Variants in RGL1 observed in about 807,000 individuals in gnomAD.
The protein encoded by RGL1 is ral guanine nucleotide dissociation stimulator like 1, also known as ral guanine nucleotide dissociation stimulator-like 1.
A neutral mutation model predicts 95.2 loss-of-function variants in RGL1; 24 were observed. The observed-to-expected ratio is 0.25, with a 90% CI of 0.18 to 0.35. RGL1 has a LOEUF of 0.35. Ranked by LOEUF, RGL1 falls within the 10% of genes least tolerant of loss-of-function variation. The pLI, the probability that RGL1 is intolerant of heterozygous loss-of-function variation, is 1.00. For missense variants in RGL1, 715 were observed against 936.3 expected, an observed-to-expected ratio of 0.76 and a Z score of 3.08; for synonymous variants, 329 against 344.9, an observed-to-expected ratio of 0.95 and a Z score of 0.51.
chr1:183,732,420 G>A (rs1187801214), intron 1 of RGL1, among the ~76,000 whole-genome samples: 1 of 152,156 alleles, frequency 6.6e-6, no homozygotes, highest in Non-Finnish European at 1.5e-5. Context: ...GATTTCATAT[G>A]GACTCTGAAA....
At chr1:183,651,544 A>G (rs772716125) in intron 1 of RGL1, among the ~76,000 whole-genome samples, 2 of 152,160 alleles carry the variant, frequency 1.3e-5, no homozygotes, top group Admixed American at 1.3e-4. Flanking sequence ...AAAAGCCTCA[A>G]TCCAGCTGTA....
At chr1:183,692,185 G>T (rs1008595385) in intron 1 of RGL1, among the ~76,000 whole-genome samples, 5 of 152,202 alleles carry the variant, frequency 3.3e-5, no homozygotes, top group Admixed American at 2.6e-4. Flanking sequence ...GCAAGCTGAG[G>T]AATGTAGTAT....
intron 1 of RGL1, among the ~76,000 whole-genome samples, chr1:183,697,282 G>T (rs187365461): frequency 6.6e-6 from 1 of 152,152 alleles, no homozygotes; most frequent in African/African-American, 2.4e-5. Context: ...TTTAAAAATT[G>T]TAACGGCCCT....
At position 183,927,333 on chromosome 1, in the gene RGL1, A is replaced by G. The variant is rs998773965; in HGVS notation, c.*1041A>G. The stretch of plus-strand genomic sequence containing the variant: ...CTCAGGTGTGGAAATTTCTACTGCA[A>G]TTGACTACGTTTGATTATTTTGAGC... On this transcript the variant is annotated 3_prime_UTR_variant, in exon 18 of 18. Coordinates refer to ENST00000360851, the MANE Select transcript of RGL1 (RefSeq NM_001297671.3). The G allele has an allele frequency of 6.6e-6, 1 of 152,562 alleles. No individual in the cohort carries two copies. The highest frequency in any genetic ancestry group is 1.5e-5 in the Non-Finnish European group (1 of 68,020). The allele number at this position is 152,562 out of a possible 1,614,324, so 9.5% of individuals were successfully genotyped here. A position where few individuals can be genotyped will look rare whatever the true frequency, so the allele number is the denominator to read the frequency against.
At chr1:183,886,777 A>G (rs2102654744) in intron 7 of RGL1, among the ~76,000 whole-genome samples, 1 of 152,222 alleles carries the variant, frequency 6.6e-6, no homozygotes, top group African/African-American at 2.4e-5. Context: ...CCTTTCCTGC[A>G]TTCATCGTAG....
chr1:183,732,668 A>T (rs568123347), intron 1 of RGL1, among the ~76,000 whole-genome samples: 1 of 152,322 alleles, frequency 6.6e-6, no homozygotes, highest in South Asian at 2.1e-4. Flanking sequence ...TACACAAGTC[A>T]TTTAATGCAG....
intron 1 of RGL1, among the ~76,000 whole-genome samples, chr1:183,681,322 G>C (rs946862186): frequency 6.6e-6 from 1 of 152,070 alleles, no homozygotes; most frequent in Non-Finnish European, 1.5e-5. Flanking sequence ...TGTCATAAAT[G>C]GCTCTTATTA....
chr1:183,818,858 A>T (rs545486580), intron 2 of RGL1, among the ~76,000 whole-genome samples: 138 of 152,288 alleles, frequency 9.1e-4, no homozygotes, highest in African/African-American at 3.1e-3. Context: ...CTTATATTTT[A>T]TACTCCAACT....
rs186015578 is a variant in RGL1 at position 183,806,116 on chromosome 1, T to C, written c.28-259T>C. On this transcript the variant is annotated intron_variant, in intron 1 of 17. Coordinates refer to ENST00000360851, the MANE Select transcript of RGL1 (RefSeq NM_001297671.3). The stretch of plus-strand genomic sequence containing the variant: ...GACTTCAAAACAAAACTATTTAAGA[T>C]ATGTGAGCAAGTCTAGGAGAAATAA... Among the ~76,000 whole-genome samples, 88 of 151,628 alleles carry C rather than the reference T, an allele frequency of 5.8e-4. 1 individual carries two copies. The East Asian group carries it at 0.016, about 28-fold the overall frequency.
intron 1 of RGL1, among the ~76,000 whole-genome samples, chr1:183,664,294 C>G (rs1651877247): frequency 6.6e-6 from 1 of 152,010 alleles, no homozygotes; most frequent in Non-Finnish European, 1.5e-5. Flanking sequence ...TAAAGAGATG[C>G]AACTGTGTTT....
At chr1:183,665,929 T>C (rs1336479366) in intron 1 of RGL1, among the ~76,000 whole-genome samples, 1 of 152,006 alleles carries the variant, frequency 6.6e-6, no homozygotes, top group African/African-American at 2.4e-5. Context: ...CTGCTTACTT[T>C]GAATTTAATT....
chr1:183,910,045 CCT>C (rs1196945189), intron 14 of RGL1, among the ~76,000 whole-genome samples: 1 of 152,020 alleles, frequency 6.6e-6, no homozygotes, highest in East Asian at 1.9e-4. Flanking sequence ...AATTACTATT[CCT>C]CTGTTTTATG....
chr1:183,647,084 G>A (rs1418998987), intron 1 of RGL1: 2 of 152,314 alleles, frequency 1.3e-5, no homozygotes, highest in Admixed American at 6.5e-5. Flanking sequence ...CTGAGCTGGG[G>A]AAGATCAAAC....
At chr1:183,710,531 T>G (rs35742190) in intron 1 of RGL1, among the ~76,000 whole-genome samples, 73,256 of 151,994 alleles carry the variant, frequency 0.48, 18,228 homozygotes, top group East Asian at 0.76. Flanking sequence ...CACACTGCTG[T>G]AAAGATACTA....
At chr1:183,759,502 A>G (rs925754303) in intron 2 of RGL1, among the ~76,000 whole-genome samples, 1 of 152,220 alleles carries the variant, frequency 6.6e-6, no homozygotes, top group Non-Finnish European at 1.5e-5. Context: ...GTTATCTTTA[A>G]GAATTAGCTA....
intron 1 of RGL1, among the ~76,000 whole-genome samples, chr1:183,715,021 G>A (rs532233653): frequency 1.3e-5 from 2 of 152,270 alleles, no homozygotes; most frequent in South Asian, 4.1e-4. Context: ...ATCCTACTAG[G>A]TAGGGATGGT....
chr1:183,922,942 C>G (rs1669396864), intron 17 of RGL1, among the ~76,000 whole-genome samples: 1 of 152,072 alleles, frequency 6.6e-6, no homozygotes, highest in Non-Finnish European at 1.5e-5. Context: ...TTATGAAATA[C>G]TTTTTGGGGG....
intron 3 of RGL1, among the ~76,000 whole-genome samples, chr1:183,857,766 G>A (rs1377945791): frequency 6.6e-6 from 1 of 152,174 alleles, no homozygotes. Flanking sequence ...TGCTGGGTTG[G>A]TGGCCTTTGG....
intron 2 of RGL1, among the ~76,000 whole-genome samples, chr1:183,789,242 G>A (rs138099240): frequency 0.015 from 2,346 of 152,178 alleles, 77 homozygotes; most frequent in African/African-American, 0.054. Context: ...TCAGGAGTTC[G>A]AGAGCAGCCT....
Sources: allele counts gnomAD v4.1 joint callset (sites outside exome capture counted in the v4.1 genomes callset), GRCh38; gene constraint gnomAD v4.1.1; transcripts MANE v1.5; gene names NCBI Gene and HGNC (gene_info 2026-07-23, HGNC 2026-07-21).